The following OXR1 variants were observed in gnomAD, a reference collection of about 807,000 sequenced individuals.
OXR1 encodes oxidation resistance 1.
A neutral mutation model predicts 104.6 loss-of-function variants in OXR1; 41 were observed. The observed-to-expected ratio is 0.39, with a 90% CI of 0.31 to 0.51. The LOEUF (loss-of-function observed/expected upper bound fraction) is 0.51. OXR1 is among the 20% of genes least tolerant of loss of function. The pLI, the probability that OXR1 is intolerant of heterozygous loss-of-function variation, is 0.77. For missense variants in OXR1, 955 were observed against 1,031.9 expected (o/e 0.93, Z 1.02); for synonymous variants, 348 against 348.4 (o/e 1.00, Z 0.01).
intron 3 of OXR1, among the ~76,000 whole-genome samples, chr8:106,578,485 C>T (rs1460808557): frequency 6.6e-6 from 1 of 152,128 alleles, no homozygotes; most frequent in Non-Finnish European, 1.5e-5. Flanking sequence ...AGAAGCTATC[C>T]AAACTTTAAC....
intron 9 of OXR1, among the ~76,000 whole-genome samples, chr8:106,709,518 T>C (rs1348181546): frequency 6.6e-6 from 1 of 152,014 alleles, no homozygotes; most frequent in East Asian, 1.9e-4. Flanking sequence ...GATAGTTACC[T>C]TATATTATAA....
At chr8:106,659,011 T>A (rs1211525729) in intron 3 of OXR1, among the ~76,000 whole-genome samples, 1 of 152,240 alleles carries the variant, frequency 6.6e-6, no homozygotes. Flanking sequence ...CTTTAATATT[T>A]GAGGGTTATG....
chr8:106,337,974 A>G (rs1486337087), intron 1 of OXR1, among the ~76,000 whole-genome samples: 2 of 152,182 alleles, frequency 1.3e-5, no homozygotes, highest in African/African-American at 4.8e-5. Flanking sequence ...TTTTGTGGGA[A>G]AACTCAGAGC....
At chr8:106,566,985 G>A (rs1251939078) in intron 3 of OXR1, among the ~76,000 whole-genome samples, 1 of 152,062 alleles carries the variant, frequency 6.6e-6, no homozygotes, top group African/African-American at 2.4e-5. Flanking sequence ...GGCAAGGGGA[G>A]GGACAGCATT....
intron 2 of OXR1, among the ~76,000 whole-genome samples, chr8:106,399,077 A>G (rs931192746): frequency 6.6e-6 from 1 of 152,088 alleles, no homozygotes; most frequent in African/African-American, 2.4e-5. Flanking sequence ...GGTGCCCAAA[A>G]GGCCACTTGA....
chr8:106,618,299 G>C, intron 3 of OXR1: 1 of 840,342 alleles, frequency 1.2e-6, no homozygotes, highest in Non-Finnish European at 1.9e-6. Flanking sequence ...GAGCTGTATG[G>C]ATCTGTGACG....
In OXR1 at chr8:106,592,164, A is replaced by T. The variant is rs576060765; in HGVS notation, c.220+73025A>T. On this transcript the variant is annotated intron_variant, in intron 3 of 16. Transcript: ENST00000517566. Reference sequence around the variant, plus strand: ...ATATTGCCTTTTCCCTATTAAATTAAAAGTCAACAAACTACTGTGTGCCTA... The same window carrying T: ...ATATTGCCTTTTCCCTATTAAATTATAAGTCAACAAACTACTGTGTGCCTA... Among the ~76,000 whole-genome samples the T allele has an allele frequency of 2.9e-4, 44 of 152,348 alleles. 1 individual carries two copies. Among genetic ancestry groups the T allele is most frequent in the African/African-American group, 9.9e-4 (41 of 41,590 alleles).
Position 106,302,320 on chromosome 8 carries a change from C to A in OXR1, c.-139+31953C>A, listed in dbSNP as rs537493223. On this transcript the variant is annotated intron_variant, in intron 1 of 16. Transcript: ENST00000517566. ...ATAATCAGCCGAGCGCGGTGGCTCA[C>A]GCCTGTAATCCCAGCACTTTGGGAG... 2.0e-5 allele frequency among the ~76,000 whole-genome samples: 3 copies of A among 152,314 alleles called. No individual in the cohort carries two copies. In the South Asian group the frequency reaches 6.2e-4, roughly 32 times the overall value.
intron 3 of OXR1, among the ~76,000 whole-genome samples, chr8:106,589,107 G>A (rs1455200523): frequency 6.6e-6 from 1 of 152,198 alleles, no homozygotes; most frequent in Non-Finnish European, 1.5e-5. Context: ...CTTTAAAGGG[G>A]GACTTGGTGT....
intron 3 of OXR1, among the ~76,000 whole-genome samples, chr8:106,676,330 G>A (rs1435318594): frequency 2.0e-5 from 3 of 152,082 alleles, no homozygotes; most frequent in Admixed American, 1.3e-4. Context: ...ATTGTTATGT[G>A]TGGATTTTAT....
At chr8:106,705,107 A>C (rs562393997) in intron 8 of OXR1, among the ~76,000 whole-genome samples, 25 of 152,164 alleles carry the variant, frequency 1.6e-4, no homozygotes, top group Non-Finnish European at 3.7e-4. Flanking sequence ...AGAGTATAGC[A>C]CTTTTCTAAA....
At chr8:106,487,798 A>C (rs1810788883) in intron 2 of OXR1, among the ~76,000 whole-genome samples, 1 of 151,686 alleles carries the variant, frequency 6.6e-6, no homozygotes, top group Non-Finnish European at 1.5e-5. Context: ...TATATGTGCC[A>C]CATTTTCTTA....
At position 106,706,480 on chromosome 8, in the gene OXR1, A is replaced by G. The variant is rs139851727; in HGVS notation, c.959A>G (p.Asn320Ser). The change falls in exon 9 of 17, where the codon AAT becomes AGT. Residue 320 changes from asparagine to serine, a missense_variant. Around this residue, in one of 2 missense-constraint regions of OXR1, gnomAD observed 849 missense variants for 852.9 expected, o/e 1.00. Transcript: ENST00000517566. The part of the protein sequence containing the change: ...EIDSRIRDAG[N>S]DSASTAPRST... ...GACTCAAGAATCCGAGATGCAGGTAATGATAGTGCCAGCACTGCTCCTAGG... is the reference window on the plus strand; with the variant it reads ...GACTCAAGAATCCGAGATGCAGGTAGTGATAGTGCCAGCACTGCTCCTAGG... The G allele has an allele frequency of 4.3e-4, 684 of 1,596,468 alleles. 3 individuals are homozygous for G. The African/African-American group carries it at 7.8e-3, about 18-fold the overall frequency.
At chr8:106,430,789 G>T (rs1819331453) in intron 2 of OXR1, among the ~76,000 whole-genome samples, 1 of 152,050 alleles carries the variant, frequency 6.6e-6, no homozygotes, top group Admixed American at 6.6e-5. Context: ...CTAGTTCCTG[G>T]TCAGACTGAC....
intron 1 of OXR1, among the ~76,000 whole-genome samples, chr8:106,285,642 A>T (rs1416383698): frequency 6.6e-6 from 1 of 151,980 alleles, no homozygotes; most frequent in African/African-American, 2.4e-5. Flanking sequence ...TTATCTAGTA[A>T]GCAGAAGACG....
At chr8:106,301,950 A>C (rs1036404692) in intron 1 of OXR1, among the ~76,000 whole-genome samples, 2 of 152,210 alleles carry the variant, frequency 1.3e-5, no homozygotes, top group Non-Finnish European at 2.9e-5. Flanking sequence ...AAGAACATAA[A>C]AGTATCACGA....
intron 11 of OXR1, chr8:106,725,987 A>G (rs1315989935): frequency 2.4e-6 from 1 of 408,742 alleles, no homozygotes; most frequent in Non-Finnish European, 4.3e-6. Flanking sequence ...ACATTTGGGT[A>G]CAGTGCAACC....
At position 106,488,123 on chromosome 8, in the gene OXR1, T is replaced by G. The variant is rs1261278858; in HGVS notation, c.24-30820T>G. Among the ~76,000 whole-genome samples, 15 of 146,512 alleles carry G rather than the reference T, an allele frequency of 1.0e-4. 1 individual carries two copies. The highest frequency in any genetic ancestry group is 8.1e-4 in the East Asian group (4 of 4,910). On this transcript the variant is annotated intron_variant, in intron 2 of 16. Coordinates refer to ENST00000517566, the MANE Select transcript of OXR1 (RefSeq NM_001198533.2). ...TTTTAATGATTGCCATTCTAACTGG[T>G]GTGAGATGGTATCTCATTGTGGTTT...
At chr8:106,287,202 C>T (rs758991334) in intron 1 of OXR1, among the ~76,000 whole-genome samples, 1 of 152,112 alleles carries the variant, frequency 6.6e-6, no homozygotes, top group Non-Finnish European at 1.5e-5. Flanking sequence ...GCTTATTTCT[C>T]ATGATTTCTT....
Sources: gnomAD v4.1 joint callset for allele counts (sites outside exome capture counted in the v4.1 genomes callset) on GRCh38, gnomAD v4.1.1 for gene constraint, gnomAD v4.1.1 regional missense constraint, MANE v1.5 for transcripts, NCBI Gene and HGNC (gene_info 2026-07-23, HGNC 2026-07-21) for gene names.